The following PHF20L1 variants were observed in gnomAD, a reference collection of about 807,000 sequenced individuals.
PHF20L1 encodes the protein PHD finger protein 20 like 1.
A neutral mutation model predicts 125.5 loss-of-function variants in PHF20L1; 44 were observed. The ratio of observed to expected loss-of-function variants is 0.35; its 90% CI spans 0.28 to 0.45. The LOEUF (loss-of-function observed/expected upper bound fraction) is 0.45. Ranked by LOEUF, PHF20L1 falls within the 20% of genes least tolerant of loss-of-function variation. The probability of loss-of-function intolerance (pLI) is 1.00; values close to 1 mark genes in which losing one functional copy is unlikely to be tolerated. For missense variants in PHF20L1, 1,012 were observed against 1,217.2 expected (o/e 0.83, Z 2.51); for synonymous variants, 380 against 403.1 (o/e 0.94, Z 0.69).
At chr8:132,844,682 AT>A (rs1838259329) in intron 20 of PHF20L1, among the ~76,000 whole-genome samples, 3 of 152,124 alleles carry the variant, frequency 2.0e-5, no homozygotes, top group Admixed American at 2.0e-4. Context: ...AACATTTTGA[AT>A]ATTTTTTACT....
rs1001997700 is a variant in PHF20L1 at position 132,847,145 on chromosome 8, G to A, written c.*1222G>A. On this transcript the variant is annotated 3_prime_UTR_variant, in exon 21 of 21. Transcript: ENST00000395386. ...CCCCCAGTGCTACATACGCAGGTAT[G>A]CGTAAGTGTGTATGCTTGTTTTAAA... The A allele has an allele frequency of 1.3e-5, 2 of 152,548 alleles. No homozygotes were observed. Among genetic ancestry groups the A allele is most frequent in the African/African-American group, 4.8e-5 (2 of 41,418 alleles). The allele number at this position is 152,548 out of a possible 1,614,324, so 9.4% of individuals were successfully genotyped here.
At chr8:132,841,666 G>C (rs988159268) in intron 18 of PHF20L1, 1 of 152,088 alleles carries the variant, frequency 6.6e-6, no homozygotes, top group Admixed American at 6.6e-5. Context: ...TGTTCAGTGA[G>C]GATGAAGTAA....
intron 1 of PHF20L1, among the ~76,000 whole-genome samples, chr8:132,777,168 G>A (rs1829902021): frequency 6.6e-6 from 1 of 152,152 alleles, no homozygotes; most frequent in Admixed American, 6.5e-5. Context: ...TTGTAATACT[G>A]TATGTTAAAT....
In PHF20L1 at chr8:132,827,626, C is replaced by T. The variant is rs182281713; in HGVS notation, c.1744+2255C>T. Among the ~76,000 whole-genome samples, 74 of 151,866 alleles carry T rather than the reference C, an allele frequency of 4.9e-4. 1 individual carries two copies. The East Asian group carries it at 0.013, about 27-fold the overall frequency. ...ATGAGGGCTAGAGCTTAAGAGAAGG[C>T]AGGAAATTGTAACTTGAGAGAAGGA... On this transcript the variant is annotated intron_variant, in intron 14 of 20. Coordinates refer to ENST00000395386, the MANE Select transcript of PHF20L1 (RefSeq NM_016018.5).
At chr8:132,804,163 A>G (rs1429332176) in intron 7 of PHF20L1, 131 bp downstream of exon 7, 1 of 641,774 alleles carries the variant, frequency 1.6e-6, no homozygotes, top group Non-Finnish European at 2.7e-6. Flanking sequence ...GCATAATATG[A>G]TGGCTAACTT....
chr8:132,796,488 T>C (rs1832404808), intron 4 of PHF20L1, among the ~76,000 whole-genome samples: 1 of 152,018 alleles, frequency 6.6e-6, no homozygotes, highest in African/African-American at 2.4e-5. Context: ...TGTGAAAAAA[T>C]AAATCATAGT....
At chr8:132,781,789 T>C (rs747032099) in intron 2 of PHF20L1, among the ~76,000 whole-genome samples, 7 of 152,260 alleles carry the variant, frequency 4.6e-5, no homozygotes, top group Middle Eastern at 3.4e-3. Context: ...AGAACACTCA[T>C]TGGTGGTTTA....
At chr8:132,780,350 A>G (rs1301531298) in intron 2 of PHF20L1, among the ~76,000 whole-genome samples, 1 of 152,146 alleles carries the variant, frequency 6.6e-6, no homozygotes. Context: ...AATTCTTCAT[A>G]TTATTCCATT....
chr8:132,807,882 A>T, intron 8 of PHF20L1: 1 of 386,454 alleles, frequency 2.6e-6, no homozygotes, highest in South Asian at 2.0e-5. Context: ...ATTTTATCCC[A>T]TAGGGGTATT....
intron 4 of PHF20L1, among the ~76,000 whole-genome samples, chr8:132,796,728 A>T (rs995958361): frequency 6.6e-6 from 1 of 152,036 alleles, no homozygotes; most frequent in Non-Finnish European, 1.5e-5. Flanking sequence ...TGGAGCTTAC[A>T]TTCCCAAGTC....
chr8:132,779,510 GA>G (rs1259275371), intron 2 of PHF20L1, among the ~76,000 whole-genome samples: 1 of 152,120 alleles, frequency 6.6e-6, no homozygotes, highest in Non-Finnish European at 1.5e-5. Context: ...ACTCTTAAGT[GA>G]TTTATTTATT....
At chr8:132,807,834 T>C (rs1833913451) in intron 8 of PHF20L1, 2 of 450,582 alleles carry the variant, frequency 4.4e-6, no homozygotes, top group South Asian at 1.6e-5. Flanking sequence ...TAAGTTTAAA[T>C]AATTTCTTGA....
intron 2 of PHF20L1, among the ~76,000 whole-genome samples, chr8:132,783,851 TATAC>T: frequency 6.6e-6 from 1 of 152,290 alleles, no homozygotes; most frequent in East Asian, 1.9e-4. Flanking sequence ...ATAGAAAACG[TATAC>T]ATGACCTCTA....
At chr8:132,776,699 A>G (rs1179993737) in intron 1 of PHF20L1, among the ~76,000 whole-genome samples, 2 of 152,188 alleles carry the variant, frequency 1.3e-5, no homozygotes, top group African/African-American at 2.4e-5. Flanking sequence ...TATTTTGTCT[A>G]TTATGAATTG....
intron 2 of PHF20L1, among the ~76,000 whole-genome samples, chr8:132,778,766 A>C (rs1404548180): frequency 6.6e-6 from 1 of 152,054 alleles, no homozygotes; most frequent in Non-Finnish European, 1.5e-5. Context: ...TTTTGTTGCC[A>C]TTTGCAGGCT....
At chr8:132,827,182 G>A (rs1048061631) in intron 14 of PHF20L1, among the ~76,000 whole-genome samples, 1 of 150,974 alleles carries the variant, frequency 6.6e-6, no homozygotes, top group Admixed American at 6.6e-5. Context: ...CTCTTCATAT[G>A]TAACTGTGGA....
At chr8:132,817,748 A>G in intron 12 of PHF20L1, 1 of 519,156 alleles carries the variant, frequency 1.9e-6, no homozygotes, top group South Asian at 2.7e-5. Flanking sequence ...TTCCCTGGAC[A>G]TACATGCTGC....
intron 14 of PHF20L1, among the ~76,000 whole-genome samples, chr8:132,827,276 G>A (rs542537209): frequency 4.6e-5 from 7 of 151,904 alleles, no homozygotes; most frequent in South Asian, 2.1e-4. Context: ...TTTGATTACC[G>A]AATACCCTTC....
chr8:132,792,980 TTTA>T (rs1201494178), intron 2 of PHF20L1, among the ~76,000 whole-genome samples: 2 of 150,738 alleles, frequency 1.3e-5, no homozygotes, highest in East Asian at 3.9e-4. Flanking sequence ...TTTTTTTTTT[TTTA>T]GTGCCACACA....
Sources: gnomAD v4.1 joint callset for allele counts (sites outside exome capture counted in the v4.1 genomes callset) on GRCh38, gnomAD v4.1.1 for gene constraint, MANE v1.5 for transcripts, NCBI Gene and HGNC (gene_info 2026-07-23, HGNC 2026-07-21) for gene names.